The following RAD51B variants were observed in gnomAD, a reference collection of about 807,000 sequenced individuals.
RAD51B encodes RAD51 paralog B.
A neutral mutation model predicts 42.2 loss-of-function variants in RAD51B; 38 were observed. The observed-to-expected ratio is 0.90, with a 90% CI of 0.70 to 1.18. The LOEUF is 1.18. RAD51B is among the 50% of genes most tolerant of loss of function. The probability of loss-of-function intolerance (pLI) is 0.00; values close to 1 mark genes in which losing one functional copy is unlikely to be tolerated. For synonymous variants in RAD51B, 154 were observed against 145.2 expected (o/e 1.06, Z -0.43); for missense variants, 373 against 400.7 (o/e 0.93, Z 0.59).
chr14:68,464,140 T>C (rs1240283269), intron 9 of RAD51B, among the ~76,000 whole-genome samples: 1 of 152,232 alleles, frequency 6.6e-6, no homozygotes. Context: ...TCTAACCAAA[T>C]TGAGATTTGT....
At chr14:68,568,728 C>G (rs1158206532) in intron 10 of RAD51B, among the ~76,000 whole-genome samples, 1 of 152,222 alleles carries the variant, frequency 6.6e-6, no homozygotes, top group Non-Finnish European at 1.5e-5. Context: ...TTTCAACAAG[C>G]TTTCCTTCAA....
chr14:68,368,538 T>C (rs1435532411), intron 8 of RAD51B, among the ~76,000 whole-genome samples: 1 of 152,236 alleles, frequency 6.6e-6, no homozygotes, highest in Non-Finnish European at 1.5e-5. Flanking sequence ...AGAGGGCAAA[T>C]TGATTTCATC....
intron 8 of RAD51B, among the ~76,000 whole-genome samples, chr14:68,386,823 TTGA>T (rs1305144478): frequency 2.6e-5 from 4 of 152,200 alleles, no homozygotes; most frequent in African/African-American, 9.7e-5. Flanking sequence ...CCTTTCCAAC[TTGA>T]TGGTATACCA....
At chr14:68,012,194 T>C (rs2075695504) in intron 7 of RAD51B, among the ~76,000 whole-genome samples, 1 of 152,146 alleles carries the variant, frequency 6.6e-6, no homozygotes, top group Non-Finnish European at 1.5e-5. Context: ...TAGTGGATAA[T>C]AATAAGCTAG....
At chr14:68,255,182 T>C (rs974784147) in intron 7 of RAD51B, among the ~76,000 whole-genome samples, 2 of 152,200 alleles carry the variant, frequency 1.3e-5, no homozygotes, top group African/African-American at 4.8e-5. Context: ...ATTAATATCT[T>C]ACGGAGTTTG....
Position 67,941,417 on chromosome 14 carries a change from A to G in RAD51B, c.756+54213A>G, listed in dbSNP as rs182552622. On this transcript the variant is annotated intron_variant, in intron 7 of 10. Coordinates refer to ENST00000471583, the MANE Select transcript of RAD51B (RefSeq NM_133510.4). ...TCTGAAAGTCTATTGCAGATTTGGC[A>G]TAGGGGGAAGATTTTGCTTTTTGGC... is the stretch of plus-strand genomic sequence containing the variant. 2.2e-4 allele frequency among the ~76,000 whole-genome samples: 34 copies of G among 152,270 alleles called. No homozygotes were observed. In the East Asian group the frequency reaches 5.8e-3, roughly 26 times the overall value.
At chr14:68,239,501 CCA>C (rs1193387257) in intron 7 of RAD51B, among the ~76,000 whole-genome samples, 1 of 151,890 alleles carries the variant, frequency 6.6e-6, no homozygotes, top group Admixed American at 6.5e-5. Context: ...CTGTCCTTCT[CCA>C]CAGTCTTTTT....
intron 7 of RAD51B, among the ~76,000 whole-genome samples, chr14:68,063,971 TTGCAGTTTGG>T (rs1460009647): frequency 1.3e-5 from 2 of 152,258 alleles, no homozygotes; most frequent in Non-Finnish European, 2.9e-5. Flanking sequence ...ATTGTTTATC[TTGCAGTTTGG>T]TGGTTTTTTG....
At chr14:68,205,152 A>C (rs1446222214) in intron 7 of RAD51B, among the ~76,000 whole-genome samples, 2 of 152,164 alleles carry the variant, frequency 1.3e-5, no homozygotes, top group Non-Finnish European at 2.9e-5. Context: ...TTAATTCACT[A>C]TTCAATTTTT....
chr14:67,963,504 G>C lies in RAD51B; in HGVS notation c.756+76300G>C, dbSNP rs191633874. On this transcript the variant is annotated intron_variant, in intron 7 of 10. Coordinates refer to ENST00000471583, the MANE Select transcript of RAD51B (RefSeq NM_133510.4). Reference sequence around the variant, plus strand: ...CTCTGAAAAATGAATAAATACTTACGCAGTTTTATAGCCTCATTTCTTTTT... The same window carrying C: ...CTCTGAAAAATGAATAAATACTTACCCAGTTTTATAGCCTCATTTCTTTTT... Among the ~76,000 whole-genome samples, 3 of 152,080 alleles carry C rather than the reference G, an allele frequency of 2.0e-5. No homozygotes were observed. In the East Asian group the frequency reaches 5.8e-4, roughly 29 times the overall value.
intron 8 of RAD51B, among the ~76,000 whole-genome samples, chr14:68,360,343 T>G (rs149837293): frequency 3.9e-5 from 6 of 152,358 alleles, no homozygotes; most frequent in Non-Finnish European, 2.9e-5. Context: ...AAGGCTACCC[T>G]AAGTGCACTG....
At chr14:67,963,682 T>C (rs2074713358) in intron 7 of RAD51B, among the ~76,000 whole-genome samples, 1 of 152,182 alleles carries the variant, frequency 6.6e-6, no homozygotes. Context: ...GCAATCTTTC[T>C]CTTTAAACTA....
intron 7 of RAD51B, among the ~76,000 whole-genome samples, chr14:67,975,380 A>G: frequency 6.6e-6 from 1 of 152,218 alleles, no homozygotes; most frequent in East Asian, 1.9e-4. Flanking sequence ...TGGCCTAATC[A>G]AATTTCTGTT....
chr14:68,259,288 C>A (rs182826873), intron 7 of RAD51B, among the ~76,000 whole-genome samples: 1,455 of 137,742 alleles, frequency 0.011, 6 homozygotes, highest in Non-Finnish European at 0.014. Context: ...ACATCACACA[C>A]CGGGGACTGT....
At chr14:68,506,983 G>A (rs1009248209) in intron 10 of RAD51B, among the ~76,000 whole-genome samples, 1 of 151,952 alleles carries the variant, frequency 6.6e-6, no homozygotes, top group Non-Finnish European at 1.5e-5. Context: ...TCCTGTACTA[G>A]TTACCAGCCC....
chr14:68,491,365 A>G (rs991566322), intron 10 of RAD51B, among the ~76,000 whole-genome samples: 1 of 152,268 alleles, frequency 6.6e-6, no homozygotes, highest in Non-Finnish European at 1.5e-5. Context: ...GACATCATCC[A>G]CAAACTGTCA....
chr14:68,026,653 A>G (rs939801459), intron 7 of RAD51B, among the ~76,000 whole-genome samples: 5 of 152,024 alleles, frequency 3.3e-5, no homozygotes, highest in African/African-American at 1.2e-4. Context: ...TGTCTGATAT[A>G]AGAATAGTAA....
At chr14:68,358,948 G>A (rs555920412) in intron 8 of RAD51B, among the ~76,000 whole-genome samples, 2 of 152,212 alleles carry the variant, frequency 1.3e-5, no homozygotes, top group South Asian at 4.2e-4. Flanking sequence ...GAGAAGGTGG[G>A]ACTGGGCCAT....
chr14:68,063,105 A>G (rs1315621255), intron 7 of RAD51B, among the ~76,000 whole-genome samples: 2 of 151,300 alleles, frequency 1.3e-5, no homozygotes, highest in Non-Finnish European at 2.9e-5. Flanking sequence ...TTTTTATTTT[A>G]TTTTGGGGGG....
Sources: gnomAD v4.1 joint callset for allele counts (sites outside exome capture counted in the v4.1 genomes callset) on GRCh38, gnomAD v4.1.1 for gene constraint, MANE v1.5 for transcripts, NCBI Gene and HGNC (gene_info 2026-07-23, HGNC 2026-07-21) for gene names.